Variants in HMGXB4 observed in about 807,000 individuals in gnomAD.
The protein encoded by HMGXB4 is HMG-box containing 4, also known as HMG domain-containing protein 4.
Under a neutral mutation model 63.9 loss-of-function variants are expected in HMGXB4, and 27 were observed. The observed-to-expected ratio is 0.42, with a 90% CI of 0.31 to 0.58. HMGXB4 has a LOEUF of 0.58. HMGXB4 is among the 20% of genes least tolerant of loss of function. The probability of loss-of-function intolerance (pLI) is 0.13; values close to 1 mark genes in which losing one functional copy is unlikely to be tolerated. For synonymous variants in HMGXB4, 264 were observed against 265.3 expected, an observed-to-expected ratio of 0.99 and a Z score of 0.05; for missense variants, 624 against 700.7, an observed-to-expected ratio of 0.89 and a Z score of 1.24.
intron 4 of HMGXB4, among the ~76,000 whole-genome samples, chr22:35,264,248 G>GTTA (rs1278404224): frequency 6.6e-6 from 1 of 152,180 alleles, no homozygotes; most frequent in Non-Finnish European, 1.5e-5. Context: ...TCTTAGCTAT[G>GTTA]TTATGCACAT....
the HMGXB4 span, among the ~76,000 whole-genome samples, chr22:35,251,624 G>A: frequency 6.6e-6 from 1 of 152,182 alleles, no homozygotes; most frequent in Non-Finnish European, 1.5e-5. Context: ...CATGTTACCA[G>A]GTGTGTGGGA....
chr22:35,273,291 A>G (rs957455270), intron 5 of HMGXB4, among the ~76,000 whole-genome samples: 2 of 152,224 alleles, frequency 1.3e-5, no homozygotes, highest in Non-Finnish European at 2.9e-5. Context: ...AAGAAGCTAT[A>G]ATCTTTCCAC....
At chr22:35,265,743 G>A in intron 5 of HMGXB4, 140 bp downstream of exon 5, 1 of 1,177,636 alleles carries the variant, frequency 8.5e-7, no homozygotes, top group Non-Finnish European at 1.1e-6. Context: ...ATGATATAAA[G>A]TATAAAATAT....
chr22:35,290,101 T>C (rs1924833760), intron 9 of HMGXB4, among the ~76,000 whole-genome samples: 1 of 152,222 alleles, frequency 6.6e-6, no homozygotes, highest in Non-Finnish European at 1.5e-5. Flanking sequence ...TGAATGGATA[T>C]AGATATTTCC....
the HMGXB4 span, among the ~76,000 whole-genome samples, chr22:35,251,653 AG>A: frequency 6.6e-6 from 1 of 152,328 alleles, no homozygotes; most frequent in East Asian, 1.9e-4. Flanking sequence ...TGACTTGAAG[AG>A]GGGGCATTCA....
chr22:35,258,492 T>C (rs1922611631), intron 1 of HMGXB4: 1 of 152,218 alleles, frequency 6.6e-6, no homozygotes, highest in South Asian at 2.1e-4. Context: ...ATCTGTGCGG[T>C]GGTCGTGGTT....
intron 5 of HMGXB4, among the ~76,000 whole-genome samples, chr22:35,275,669 G>C (rs1923870120): frequency 1.3e-5 from 2 of 152,120 alleles, no homozygotes; most frequent in Admixed American, 1.3e-4. Flanking sequence ...ACTTAAACCT[G>C]TTCAAGGCTT....
upstream of HMGXB4, among the ~76,000 whole-genome samples, chr22:35,256,641 A>C (rs915221106): frequency 3.3e-5 from 5 of 152,174 alleles, no homozygotes; most frequent in African/African-American, 4.8e-5. Flanking sequence ...CTGGGATTAC[A>C]GGCACGCGCC....
At chr22:35,288,120 C>A in intron 8 of HMGXB4, 118 bp from the exon 9 acceptor site, 2 of 769,054 alleles carry the variant, frequency 2.6e-6, no homozygotes, top group South Asian at 3.7e-5. Flanking sequence ...AGCCCACAGG[C>A]CACAGTTTTG....
At chr22:35,268,369 A>G (rs144565763) in intron 5 of HMGXB4, among the ~76,000 whole-genome samples, 259 of 152,302 alleles carry the variant, frequency 1.7e-3, no homozygotes, top group Non-Finnish European at 3.0e-3. Context: ...TTCCTCCTTA[A>G]TATCTTTCAA....
chr22:35,287,775 C>G (rs867727917), intron 8 of HMGXB4, among the ~76,000 whole-genome samples: 1 of 152,004 alleles, frequency 6.6e-6, no homozygotes, highest in East Asian at 1.9e-4. Flanking sequence ...ATGGAGAAAC[C>G]CCGTCTCTAC....
chr22:35,256,157 C>T (rs2146386317), upstream of HMGXB4, among the ~76,000 whole-genome samples: 3 of 152,304 alleles, frequency 2.0e-5, 1 homozygote, highest in Admixed American at 2.0e-4. Flanking sequence ...TCATCTTTAT[C>T]TGATCACTGA....
chr22:35,293,215 G>C, intron 10 of HMGXB4, 101 bp downstream of exon 10: 1 of 1,327,506 alleles, frequency 7.5e-7, no homozygotes, highest in South Asian at 1.3e-5. Flanking sequence ...GTGACACACA[G>C]TGCTTCCTTC....
chr22:35,250,977 A>T, the HMGXB4 span, among the ~76,000 whole-genome samples: 2 of 151,882 alleles, frequency 1.3e-5, no homozygotes, highest in Non-Finnish European at 2.9e-5. Flanking sequence ...TTATCTGCCC[A>T]CTCCTGTAGC....
In HMGXB4 at chr22:35,261,384, C is replaced by G. The variant is rs542173602; in HGVS notation, c.-68-939C>G. ...CCGGGAGGCGGAGGTTGCAGTGAAC[C>G]AATATCGTGCCACTGCACTCCAGCC... On this transcript the variant is annotated intron_variant, in intron 1 of 10. Transcript: ENST00000216106. Among the ~76,000 whole-genome samples, 4 of 147,814 alleles carry G rather than the reference C, an allele frequency of 2.7e-5. No individual in the cohort carries two copies. In the South Asian group the frequency reaches 8.6e-4, roughly 32 times the overall value.
At chr22:35,275,159 G>A (rs151080905) in intron 5 of HMGXB4, among the ~76,000 whole-genome samples, 6 of 120,614 alleles carry the variant, frequency 5.0e-5, no homozygotes, top group Admixed American at 2.3e-4. Flanking sequence ...CGCTCTTGTC[G>A]CCCAGGCTGT....
At chr22:35,293,491 C>A in intron 10 of HMGXB4, 116 bp from the exon 11 acceptor site, 1 of 718,494 alleles carries the variant, frequency 1.4e-6, no homozygotes, top group Non-Finnish European at 2.5e-6. Flanking sequence ...TCTTCATTCT[C>A]ACCTGTTTTT....
At chr22:35,275,176 A>G (rs1017028797) in intron 5 of HMGXB4, among the ~76,000 whole-genome samples, 5 of 144,742 alleles carry the variant, frequency 3.5e-5, no homozygotes, top group Non-Finnish European at 7.4e-5. Context: ...CTGTAGTACA[A>G]TGGTGCGATC....
chr22:35,262,482 C>T (rs1048064807), intron 2 of HMGXB4, 61 bp downstream of exon 2: 34 of 1,520,050 alleles, frequency 2.2e-5, no homozygotes, highest in Admixed American at 8.4e-5. Context: ...CCTTGCAGCC[C>T]ATGGATATAG....
Sources: allele counts gnomAD v4.1 joint callset (sites outside exome capture counted in the v4.1 genomes callset), GRCh38; gene constraint gnomAD v4.1.1; transcripts MANE v1.5; gene names NCBI Gene and HGNC (gene_info 2026-07-23, HGNC 2026-07-21).